FHIT: variants seen among roughly 807,000 people sequenced by gnomAD.
The protein encoded by FHIT is bis(5'-adenosyl)-triphosphatase.
FHIT carries 19 observed loss-of-function variants against 17.9 expected under a neutral mutation model. That is an observed-to-expected ratio of 1.06 (90% confidence interval 0.74 to 1.56). FHIT has a LOEUF of 1.56. Ranked by LOEUF, FHIT falls within the 40% of genes most tolerant of loss-of-function variation. The pLI is 0.00. For synonymous variants in FHIT, 81 were observed against 69.7 expected (o/e 1.16, Z -0.81); for missense variants, 248 against 189.2 (o/e 1.31, Z -1.82).
Position 60,796,963 on chromosome 3 carries a change from T to C in FHIT, c.-18+24956A>G, listed in dbSNP as rs559646489. On this transcript the variant is annotated intron_variant, in intron 4 of 9. Coordinates refer to ENST00000492590, the MANE Select transcript of FHIT (RefSeq NM_002012.4). The stretch of plus-strand genomic sequence containing the variant: ...TGTACTTCAGCTTCTTGAAATTTCC[T>C]GCAATTTCTTCATAACTTATAAAGG... Among the ~76,000 whole-genome samples the C allele has an allele frequency of 6.4e-4, 97 of 152,366 alleles. 2 individuals carry two copies. The South Asian group carries it at 0.012, about 19-fold the overall frequency.
chr3:60,689,333 A>C (rs2040934070), intron 4 of FHIT, among the ~76,000 whole-genome samples: 1 of 152,170 alleles, frequency 6.6e-6, no homozygotes, highest in African/African-American at 2.4e-5. Flanking sequence ...AGGAAAAAAA[A>C]ATGGCATCTA....
intron 5 of FHIT, among the ~76,000 whole-genome samples, chr3:60,502,806 G>C (rs560495430): frequency 3.7e-4 from 57 of 152,194 alleles, no homozygotes; most frequent in African/African-American, 1.3e-3. Flanking sequence ...GGTGTGTGAA[G>C]TATATATCAA....
At position 60,079,057 on chromosome 3, in the gene FHIT, C is replaced by A. The variant is rs189150488; in HGVS notation, c.104-64905G>T. Among the ~76,000 whole-genome samples, 7 of 152,202 alleles carry A rather than the reference C, an allele frequency of 4.6e-5. No individual in the cohort carries two copies. The East Asian group carries it at 1.4e-3, about 29-fold the overall frequency. The stretch of plus-strand genomic sequence containing the variant: ...CGGCTCCCCCTTTGCAAAATAGAGA[C>A]AACATGACTTCACAGGGTGATCGGG... On this transcript the variant is annotated intron_variant, in intron 5 of 9. Coordinates refer to ENST00000492590, the MANE Select transcript of FHIT (RefSeq NM_002012.4).
intron 5 of FHIT, among the ~76,000 whole-genome samples, chr3:60,535,167 T>C (rs181270255): frequency 6.6e-6 from 1 of 152,200 alleles, no homozygotes; most frequent in African/African-American, 2.4e-5. Flanking sequence ...GAGATTGTAC[T>C]GAGCCAAGAT....
chr3:60,094,142 A>G (rs7610403), intron 5 of FHIT, among the ~76,000 whole-genome samples: 52,326 of 152,052 alleles, frequency 0.34, 9,691 homozygotes, highest in African/African-American at 0.47. Flanking sequence ...TTCTAAGAGA[A>G]TCTACCCACT....
At chr3:60,920,802 G>T (rs1388664024) in intron 3 of FHIT, among the ~76,000 whole-genome samples, 1 of 151,962 alleles carries the variant, frequency 6.6e-6, no homozygotes, top group Non-Finnish European at 1.5e-5. Context: ...TTTCAAGCAG[G>T]AAAAAGGCAT....
At chr3:61,201,519 A>G (rs2039012346) in intron 1 of FHIT, among the ~76,000 whole-genome samples, 1 of 152,154 alleles carries the variant, frequency 6.6e-6, no homozygotes, top group African/African-American at 2.4e-5. Context: ...CAGCTACACC[A>G]CAGCTTTTCC....
rs145521048 is a variant in FHIT, at chr3:60,941,606, A to G, written c.-111+100441T>C. 6.4e-3 allele frequency among the ~76,000 whole-genome samples: 970 copies of G among 152,262 alleles called. 5 individuals carry two copies. The highest frequency in any genetic ancestry group is 0.011 in the Non-Finnish European group (769 of 68,020). On this transcript the variant is annotated intron_variant, in intron 3 of 9. Transcript: ENST00000492590. ...TACTTTTTCTACTGACTATGTTCTT[A>G]GGATTTAAATAAAGCAAAGAGAAAA...
intron 3 of FHIT, among the ~76,000 whole-genome samples, chr3:60,955,635 C>CACATATATAT (rs68147355): frequency 2.1e-5 from 1 of 48,346 alleles, no homozygotes; most frequent in African/African-American, 7.3e-5. Context: ...TATATATATA[C>CACATATATAT]ACACACACAC....
intron 5 of FHIT, among the ~76,000 whole-genome samples, chr3:60,068,324 G>C (rs1702611516): frequency 1.3e-5 from 2 of 152,170 alleles, no homozygotes; most frequent in African/African-American, 4.8e-5. Context: ...TTTCCCAAAG[G>C]GGCATAAAAC....
At chr3:59,965,930 G>A (rs1313564227) in intron 7 of FHIT, among the ~76,000 whole-genome samples, 1 of 152,168 alleles carries the variant, frequency 6.6e-6, no homozygotes, top group East Asian at 1.9e-4. Context: ...GACAGACTGG[G>A]AAATGAGACT....
intron 2 of FHIT, among the ~76,000 whole-genome samples, chr3:61,054,398 T>C (rs191239701): frequency 4.7e-4 from 71 of 152,154 alleles, no homozygotes; most frequent in Middle Eastern, 3.4e-3. Context: ...TGTGATTCCA[T>C]ATGATAAATT....
chr3:60,153,031 T>C (rs1453416225), intron 5 of FHIT, among the ~76,000 whole-genome samples: 1 of 152,158 alleles, frequency 6.6e-6, no homozygotes, highest in Admixed American at 6.6e-5. Context: ...TCAAGCAGTC[T>C]CTGTGAAGTT....
chr3:60,979,933 T>C (rs576056956), intron 3 of FHIT, among the ~76,000 whole-genome samples: 1 of 152,352 alleles, frequency 6.6e-6, no homozygotes, highest in South Asian at 2.1e-4. Context: ...GTTGCTCCAA[T>C]ACTGGCAATT....
chr3:60,158,917 G>C (rs1169174549), intron 5 of FHIT, among the ~76,000 whole-genome samples: 1 of 151,974 alleles, frequency 6.6e-6, no homozygotes, highest in Non-Finnish European at 1.5e-5. Context: ...GTTCTCTGTG[G>C]TATGTGTTCT....
chr3:59,959,876 A>C (rs919062824), intron 7 of FHIT, among the ~76,000 whole-genome samples: 2 of 152,198 alleles, frequency 1.3e-5, no homozygotes, highest in African/African-American at 4.8e-5. Context: ...AGGCAAGTTG[A>C]CATTAATTAG....
At chr3:60,072,477 T>C (rs955659889) in intron 5 of FHIT, among the ~76,000 whole-genome samples, 1 of 152,020 alleles carries the variant, frequency 6.6e-6, no homozygotes, top group Admixed American at 6.6e-5. Flanking sequence ...CCAACAACAA[T>C]AAAAATTAGA....
intron 4 of FHIT, among the ~76,000 whole-genome samples, chr3:60,645,997 C>T (rs1024095012): frequency 6.6e-6 from 1 of 152,194 alleles, no homozygotes; most frequent in African/African-American, 2.4e-5. Context: ...CATGAAATTA[C>T]TCTCGAATAA....
At chr3:60,499,678 C>T (rs2034445199) in intron 5 of FHIT, among the ~76,000 whole-genome samples, 1 of 152,186 alleles carries the variant, frequency 6.6e-6, no homozygotes, top group South Asian at 2.1e-4. Context: ...CGCGCCCGGC[C>T]TCTCTGTGTT....
Sources: gnomAD v4.1 joint callset for allele counts (sites outside exome capture counted in the v4.1 genomes callset) on GRCh38, gnomAD v4.1.1 for gene constraint, MANE v1.5 for transcripts, NCBI Gene and HGNC (gene_info 2026-07-23, HGNC 2026-07-21) for gene names.